PCDH11X: variants seen among roughly 807,000 people sequenced by gnomAD.
PCDH11X encodes the protein protocadherin 11 X-linked, also known as protocadherin-11 X-linked.
PCDH11X carries 18 observed loss-of-function variants against 53.3 expected under a neutral mutation model. The ratio of observed to expected loss-of-function variants is 0.34; its 90% CI spans 0.23 to 0.50. The LOEUF (loss-of-function observed/expected upper bound fraction) is 0.50. PCDH11X is among the 20% of genes least tolerant of loss of function. PCDH11X has a pLI of 0.98. For synonymous variants in PCDH11X, 279 were observed against 393.3 expected, an observed-to-expected ratio of 0.71 and a Z score of 3.44; for missense variants, 570 against 1,032.4, an observed-to-expected ratio of 0.55 and a Z score of 6.14.
intron 8 of PCDH11X, among the ~76,000 whole-genome samples, chrX:92,280,797 A>G (rs1281116942): frequency 9.0e-6 from 1 of 110,889 alleles, no homozygotes; most frequent in Admixed American, 9.7e-5. Context: ...TTTTTAAAAA[A>G]AAATTGACAT....
intron 6 of PCDH11X, among the ~76,000 whole-genome samples, chrX:92,014,710 A>G (rs894596074): frequency 3.6e-5 from 4 of 112,212 alleles, no homozygotes; most frequent in Non-Finnish European, 7.5e-5. Context: ...CAGCCATAAA[A>G]AATGATGAGC....
chrX:92,582,949 C>T (rs190724254), intron 10 of PCDH11X, among the ~76,000 whole-genome samples: 7 of 110,561 alleles, frequency 6.3e-5, no homozygotes, highest in African/African-American at 2.3e-4. Flanking sequence ...CCTGTAGTCC[C>T]TTTGTTTTGG....
At chrX:92,403,611 T>G (rs1355346999) in intron 9 of PCDH11X, among the ~76,000 whole-genome samples, 1 of 110,693 alleles carries the variant, frequency 9.0e-6, no homozygotes, top group African/African-American at 3.3e-5. Flanking sequence ...AATAAAGTTC[T>G]TCTTTCAGCG....
At chrX:92,254,341 C>G (rs1048870151) in intron 7 of PCDH11X, among the ~76,000 whole-genome samples, 1 of 110,721 alleles carries the variant, frequency 9.0e-6, no homozygotes, top group African/African-American at 3.3e-5. Flanking sequence ...TGTCTCTGCA[C>G]GTGAGATGGG....
chrX:92,022,804 A>C (rs761639600), intron 6 of PCDH11X, among the ~76,000 whole-genome samples: 28 of 111,845 alleles, frequency 2.5e-4, no homozygotes, highest in African/African-American at 9.1e-4. Flanking sequence ...AAAAGAACTG[A>C]AATCATAACA....
intron 9 of PCDH11X, among the ~76,000 whole-genome samples, chrX:92,450,001 T>C (rs993595990): frequency 1.5e-4 from 17 of 111,432 alleles, no homozygotes; most frequent in African/African-American, 5.2e-4. Context: ...ATTGCATATA[T>C]TGAATAAATA....
chrX:92,161,765 T>C (rs1241816909), intron 6 of PCDH11X, among the ~76,000 whole-genome samples: 3 of 84,307 alleles, frequency 3.6e-5, no homozygotes, highest in Non-Finnish European at 6.9e-5. Flanking sequence ...GAAAACCTTG[T>C]CTTTGAGCTC....
intron 8 of PCDH11X, among the ~76,000 whole-genome samples, chrX:92,323,768 C>T (rs932487734): frequency 3.6e-5 from 4 of 110,540 alleles, no homozygotes; most frequent in Non-Finnish European, 7.6e-5. Flanking sequence ...GATACATTTG[C>T]AATCATCAGA....
intron 6 of PCDH11X, among the ~76,000 whole-genome samples, chrX:92,019,055 C>A (rs2062842445): frequency 9.0e-6 from 1 of 111,287 alleles, no homozygotes; most frequent in Non-Finnish European, 1.9e-5. Flanking sequence ...AACTGGCACA[C>A]TTCTAACAGA....
intron 10 of PCDH11X, among the ~76,000 whole-genome samples, chrX:92,563,408 T>C (rs1228555490): frequency 9.2e-6 from 1 of 108,386 alleles, no homozygotes; most frequent in African/African-American, 3.4e-5. Context: ...CCTCCCTCCC[T>C]GGCCCCATCT....
chrX:92,176,274 C>T (rs967243220), intron 6 of PCDH11X, among the ~76,000 whole-genome samples: 18 of 111,590 alleles, frequency 1.6e-4, no homozygotes, highest in Non-Finnish European at 3.4e-4. Context: ...ATGGATTTCA[C>T]GAGGGCTTTA....
At chrX:92,433,384 T>TTTGGAAA (rs1358430983) in intron 9 of PCDH11X, among the ~76,000 whole-genome samples, 1 of 109,735 alleles carries the variant, frequency 9.1e-6, no homozygotes, top group African/African-American at 3.3e-5. Flanking sequence ...GCTCCAACAT[T>TTTGGAAA]TTGGAAACAT....
intron 8 of PCDH11X, among the ~76,000 whole-genome samples, chrX:92,329,163 TAAC>T (rs1275101555): frequency 9.0e-6 from 1 of 111,660 alleles, no homozygotes; most frequent in African/African-American, 3.2e-5. Context: ...TTCATGATAT[TAAC>T]AGACTAAAAA....
rs539304917 is a variant in PCDH11X at position 92,378,854 on chromosome X, T to G, written c.3145-8881T>G. Among the ~76,000 whole-genome samples, 34 of 113,342 alleles carry G rather than the reference T, an allele frequency of 3.0e-4. No homozygotes were observed. The South Asian group carries it at 0.012, about 40-fold the overall frequency. ...CTTCCAGATGCCATCACATTAGTGA[T>G]TATGTTTTAACATATGAATTTTAGG... On this transcript the variant is annotated intron_variant, in intron 8 of 10. Coordinates refer to ENST00000682573, the MANE Select transcript of PCDH11X (RefSeq NM_032968.5).
At chrX:92,260,812 A>C (rs2067700074) in intron 7 of PCDH11X, among the ~76,000 whole-genome samples, 1 of 112,013 alleles carries the variant, frequency 8.9e-6, no homozygotes, top group Admixed American at 9.5e-5. Flanking sequence ...GGTAAGTGTT[A>C]GAATTTATTC....
At chrX:91,793,794 G>A (rs1250855688) in intron 1 of PCDH11X, among the ~76,000 whole-genome samples, 3 of 111,039 alleles carry the variant, frequency 2.7e-5, no homozygotes, top group African/African-American at 9.8e-5. Context: ...TACTGGTAAT[G>A]CTTGATCACA....
intron 9 of PCDH11X, among the ~76,000 whole-genome samples, chrX:92,394,848 T>C (rs187147023): frequency 1.8e-5 from 2 of 111,777 alleles, no homozygotes; most frequent in East Asian, 5.6e-4. Flanking sequence ...CATGACACTT[T>C]TAAAATTGTA....
intron 8 of PCDH11X, among the ~76,000 whole-genome samples, chrX:92,293,982 G>A (rs367562136): frequency 1.3e-4 from 14 of 110,943 alleles, no homozygotes; most frequent in Admixed American, 6.8e-4. Flanking sequence ...TGGTTCATTA[G>A]TTGTGGCACA....
intron 9 of PCDH11X, among the ~76,000 whole-genome samples, chrX:92,412,777 GTCTC>G (rs1461242512): frequency 9.3e-6 from 1 of 107,222 alleles, no homozygotes; most frequent in Non-Finnish European, 1.9e-5. Context: ...TCAAAAAACA[GTCTC>G]TCTCTCTGTC....
Sources: allele counts gnomAD v4.1 joint callset (sites outside exome capture counted in the v4.1 genomes callset), GRCh38; gene constraint gnomAD v4.1.1; transcripts MANE v1.5; gene names NCBI Gene and HGNC (gene_info 2026-07-23, HGNC 2026-07-21).